Variants in CSPP1 observed in about 807,000 individuals in gnomAD.
CSPP1 encodes centrosome and spindle pole-associated protein 1.
CSPP1 carries 126 observed loss-of-function variants against 164.4 expected under a neutral mutation model. That is an observed-to-expected ratio of 0.77 (90% CI 0.66 to 0.89). The LOEUF (loss-of-function observed/expected upper bound fraction) is 0.89. CSPP1 is among the 40% of genes least tolerant of loss of function. The probability of loss-of-function intolerance (pLI) is 0.00; values close to 1 mark genes in which losing one functional copy is unlikely to be tolerated. For missense variants in CSPP1, 1,395 were observed against 1,449.8 expected, an observed-to-expected ratio of 0.96 and a Z score of 0.61; for synonymous variants, 472 against 476.7, an observed-to-expected ratio of 0.99 and a Z score of 0.13.
intron 16 of CSPP1, 72 bp downstream of exon 16, chr8:67,132,152 T>C: frequency 7.0e-7 from 1 of 1,434,476 alleles, no homozygotes; most frequent in East Asian, 2.4e-5. Context: ...GAGCTCAGAG[T>C]GTGGCCGGGG....
chr8:67,064,751 G>C (rs2129538528), intron 1 of CSPP1: 2 of 498,604 alleles, frequency 4.0e-6, no homozygotes, highest in South Asian at 4.7e-5. Context: ...CGGTGGGGGA[G>C]GTGCCCGAGT....
chr8:67,074,203 A>G, intron 1 of CSPP1, 40 bp from the exon 2 acceptor site: 1 of 1,138,480 alleles, frequency 8.8e-7, no homozygotes, highest in Non-Finnish European at 1.3e-6. Flanking sequence ...GGCTAAAAAT[A>G]CTGTGATATA....
At chr8:67,144,864 C>T (rs535969378) in intron 17 of CSPP1, among the ~76,000 whole-genome samples, 9 of 149,506 alleles carry the variant, frequency 6.0e-5, no homozygotes, top group Non-Finnish European at 8.9e-5. Flanking sequence ...GTCAAGAGAT[C>T]GAGACCATTT....
chr8:67,181,848 C>T (rs151274466), intron 28 of CSPP1, among the ~76,000 whole-genome samples: 85 of 152,306 alleles, frequency 5.6e-4, no homozygotes, highest in African/African-American at 1.9e-3. Flanking sequence ...CCTCCAGCCC[C>T]TGGCAGCCAA....
At chr8:67,094,940 T>C (rs1812427704) in intron 6 of CSPP1, among the ~76,000 whole-genome samples, 1 of 152,186 alleles carries the variant, frequency 6.6e-6, no homozygotes. Context: ...TATACTAGTT[T>C]TGGAGATATG....
At chr8:67,186,534 A>G (rs1834653664) in intron 28 of CSPP1, among the ~76,000 whole-genome samples, 1 of 152,158 alleles carries the variant, frequency 6.6e-6, no homozygotes, top group Admixed American at 6.5e-5. Context: ...TAGAGGGGGA[A>G]CTTCTGCAAC....
At chr8:67,137,785 C>G (rs1361704771) in intron 17 of CSPP1, among the ~76,000 whole-genome samples, 182 bp downstream of exon 17, 1 of 152,112 alleles carries the variant, frequency 6.6e-6, no homozygotes, top group African/African-American at 2.4e-5. Flanking sequence ...ATTTCTTCTT[C>G]AGAATACTAT....
chr8:67,190,422 G>A (rs540169204), intron 28 of CSPP1, among the ~76,000 whole-genome samples: 154 of 152,172 alleles, frequency 1.0e-3, no homozygotes, highest in Non-Finnish European at 2.0e-3. Flanking sequence ...GTGATTGCCA[G>A]TGTGCACAAA....
chr8:67,142,165 T>C (rs1002544471), intron 17 of CSPP1, among the ~76,000 whole-genome samples: 1 of 152,228 alleles, frequency 6.6e-6, no homozygotes, highest in African/African-American at 2.4e-5. Context: ...TCTGTTGTCT[T>C]TCTCAGTTCT....
At chr8:67,116,786 T>A (rs996208515) in intron 13 of CSPP1, among the ~76,000 whole-genome samples, 1 of 152,168 alleles carries the variant, frequency 6.6e-6, no homozygotes, top group African/African-American at 2.4e-5. Context: ...TCACTGTTAG[T>A]GTATTAATTA....
intron 17 of CSPP1, among the ~76,000 whole-genome samples, chr8:67,145,386 A>G (rs565550227): frequency 6.6e-6 from 1 of 152,114 alleles, no homozygotes; most frequent in African/African-American, 2.4e-5. Context: ...GGATCTTTTC[A>G]TAGAATCAGC....
chr8:67,164,827 G>A lies in CSPP1; in HGVS notation c.2828+319G>A, dbSNP rs187548200. 1.4e-4 allele frequency among the ~76,000 whole-genome samples: 21 copies of A among 152,312 alleles called. No individual in the cohort carries two copies. In the East Asian group the frequency reaches 4.0e-3, roughly 29 times the overall value. On this transcript the variant is annotated intron_variant, in intron 24 of 30. Transcript: ENST00000678616. ...CACGTACGGGCTACCGAACATTTCT[G>A]ATCATTTTTGCCAGGAGTCATAAAT...
intron 24 of CSPP1, among the ~76,000 whole-genome samples, chr8:67,167,351 G>GC (rs1180834979): frequency 4.1e-5 from 6 of 148,060 alleles, no homozygotes; most frequent in Non-Finnish European, 9.0e-5. Context: ...GGCGGAGGCT[G>GC]CCCCCCACCT....
chr8:67,154,802 A>G (rs1241642072), intron 19 of CSPP1, among the ~76,000 whole-genome samples: 2 of 151,688 alleles, frequency 1.3e-5, no homozygotes, highest in Non-Finnish European at 2.9e-5. Flanking sequence ...CGCCCAGCCT[A>G]AGTCATTAAT....
intron 17 of CSPP1, among the ~76,000 whole-genome samples, chr8:67,148,009 C>A (rs1482180323): frequency 6.6e-6 from 1 of 151,732 alleles, no homozygotes; most frequent in Non-Finnish European, 1.5e-5. Flanking sequence ...ACCTGCACCC[C>A]CCCGGCTTAA....
chr8:67,088,224 T>G (rs1810807883), intron 4 of CSPP1, among the ~76,000 whole-genome samples: 1 of 152,102 alleles, frequency 6.6e-6, no homozygotes, highest in Non-Finnish European at 1.5e-5. Flanking sequence ...GAAATTGCCG[T>G]CATGAAAGTA....
intron 1 of CSPP1, among the ~76,000 whole-genome samples, chr8:67,067,237 T>C (rs966143573): frequency 6.6e-5 from 10 of 152,148 alleles, no homozygotes; most frequent in African/African-American, 2.4e-4. Context: ...GGAGAAGGAA[T>C]TGGGCAAACT....
chr8:67,195,637 G>A lies in CSPP1; in HGVS notation c.*44G>A, dbSNP rs746426693. The A allele has an allele frequency of 2.6e-6, 4 of 1,552,498 alleles. No homozygotes were observed. The South Asian group carries it at 3.4e-5, about 13-fold the overall frequency. ...CCAGTAGTGCCTTTTAAGGTGAAAG[G>A]AATGGTAAATCTGTACCTTTAATAT... On this transcript the variant is annotated 3_prime_UTR_variant, in exon 31 of 31. Transcript: ENST00000678616.
Position 67,163,790 on chromosome 8 carries a change from G to T in CSPP1, c.2702G>T (p.Arg901Leu). Reference sequence around the variant, plus strand: ...GTACCTGCCAGGAAAAATCAGCTCCGTGCAGAAGGTAGAGTTAACTACTAA... The same window carrying T: ...GTACCTGCCAGGAAAAATCAGCTCCTTGCAGAAGGTAGAGTTAACTACTAA... ...PPVPARKNQL[R>L]AEEEKKNVIM... The change falls in exon 23 of 31, where the codon CGT (arginine) becomes CTT (leucine). Residue 901 changes from arginine to leucine, a missense_variant. Physicochemically the swap from Arg to Leu is moderately radical, Grantham distance 102. Transcript: ENST00000678616. The T allele has an allele frequency of 6.2e-7, 1 of 1,611,914 alleles. No homozygotes were observed. The highest frequency in any genetic ancestry group is 8.5e-7 in the Non-Finnish European group (1 of 1,178,260).
Sources: gnomAD v4.1 joint callset for allele counts (sites outside exome capture counted in the v4.1 genomes callset) on GRCh38, gnomAD v4.1.1 for gene constraint, MANE v1.5 for transcripts, NCBI Gene and HGNC (gene_info 2026-07-23, HGNC 2026-07-21) for gene names.